RUFY3: variants seen among roughly 807,000 people sequenced by gnomAD.
RUFY3 encodes the protein RUN and FYVE domain containing 3.
RUFY3 carries 34 observed loss-of-function variants against 84.0 expected under a neutral mutation model. That is an observed-to-expected ratio of 0.40 (90% CI 0.31 to 0.54). The LOEUF is 0.54. Among genes scored for constraint, RUFY3 ranks in the 20% least tolerant of loss-of-function variants. The pLI is 0.39. For missense variants in RUFY3, 507 were observed against 736.8 expected, an observed-to-expected ratio of 0.69 and a Z score of 3.61; for synonymous variants, 242 against 252.9, an observed-to-expected ratio of 0.96 and a Z score of 0.41.
chr4:70,791,436 T>C, intron 12 of RUFY3: 3 of 1,402,376 alleles, frequency 2.1e-6, no homozygotes, highest in Non-Finnish European at 2.8e-6. Context: ...GTTGGACTTT[T>C]AAAAAACCAG....
chr4:70,757,498 G>A (rs765018442), intron 1 of RUFY3, among the ~76,000 whole-genome samples: 16 of 152,046 alleles, frequency 1.1e-4, no homozygotes, highest in Non-Finnish European at 2.4e-4. Context: ...CAGATACTTG[G>A]GAGGCTGAGA....
intron 1 of RUFY3, among the ~76,000 whole-genome samples, chr4:70,730,026 C>T (rs938141917): frequency 2.0e-5 from 3 of 151,530 alleles, no homozygotes; most frequent in Admixed American, 2.0e-4. Context: ...CCCCTGCCTC[C>T]CCAGTTCAAG....
intron 1 of RUFY3, among the ~76,000 whole-genome samples, chr4:70,740,489 G>T (rs1173202871): frequency 6.6e-6 from 1 of 152,034 alleles, no homozygotes; most frequent in Non-Finnish European, 1.5e-5. Context: ...GCTTTACTAA[G>T]GTAGGCTTTT....
At chr4:70,737,073 A>G (rs1720435064) in intron 1 of RUFY3, among the ~76,000 whole-genome samples, 1 of 152,190 alleles carries the variant, frequency 6.6e-6, no homozygotes, top group Non-Finnish European at 1.5e-5. Flanking sequence ...GGTATCATAA[A>G]CTTTCATATT....
At chr4:70,764,626 G>A (rs773399901) in intron 4 of RUFY3, 50 bp downstream of exon 4, 29 of 1,097,468 alleles carry the variant, frequency 2.6e-5, no homozygotes, top group Middle Eastern at 2.3e-4. Context: ...GTTCTACATC[G>A]TATAAAGTCA....
Position 70,787,682 on chromosome 4 carries a change from C to T in RUFY3, c.1072-1124C>T, listed in dbSNP as rs573379368. Among the ~76,000 whole-genome samples the T allele has an allele frequency of 3.1e-3, 479 of 152,100 alleles. 1 individual carries two copies. Among genetic ancestry groups the T allele is most frequent in the Non-Finnish European group, 3.4e-3 (229 of 68,004 alleles). On this transcript the variant is annotated intron_variant, in intron 10 of 17. Coordinates refer to ENST00000381006, the MANE Select transcript of RUFY3 (RefSeq NM_001037442.4). Reference sequence around the variant, plus strand: ...ATATAATACTTTTCATAAGAAAGGTCGCAGAAATAATATATGTCAGCATTT... The same window carrying T: ...ATATAATACTTTTCATAAGAAAGGTTGCAGAAATAATATATGTCAGCATTT...
chr4:70,767,281 T>C (rs1726132826), intron 4 of RUFY3, among the ~76,000 whole-genome samples: 1 of 145,542 alleles, frequency 6.9e-6, no homozygotes, highest in African/African-American at 2.5e-5. Flanking sequence ...TTTTTTTTTT[T>C]TTTTTTTTAG....
At chr4:70,728,768 C>T (rs1213894210) in intron 1 of RUFY3, among the ~76,000 whole-genome samples, 1 of 151,968 alleles carries the variant, frequency 6.6e-6, no homozygotes, top group Non-Finnish European at 1.5e-5. Context: ...AGTTAAAAAT[C>T]GCAATTTAAA....
chr4:70,710,268 A>G (rs944169168), intron 1 of RUFY3, among the ~76,000 whole-genome samples: 1 of 152,236 alleles, frequency 6.6e-6, no homozygotes, highest in African/African-American at 2.4e-5. Context: ...GCATGTATGT[A>G]TGTGTAGATT....
intron 5 of RUFY3, among the ~76,000 whole-genome samples, chr4:70,771,603 C>T (rs923047787): frequency 6.6e-6 from 1 of 152,164 alleles, no homozygotes; most frequent in African/African-American, 2.4e-5. Context: ...GTGAACTCAG[C>T]TCAGTGCAAC....
chr4:70,706,341 C>T (rs962497570), intron 1 of RUFY3, among the ~76,000 whole-genome samples: 6 of 152,090 alleles, frequency 3.9e-5, no homozygotes, highest in East Asian at 3.9e-4. Flanking sequence ...GCTGCTCTGC[C>T]CTGCCAAGAA....
At chr4:70,774,553 T>A (rs1727506340) in intron 6 of RUFY3, among the ~76,000 whole-genome samples, 1 of 133,412 alleles carries the variant, frequency 7.5e-6, no homozygotes, top group Non-Finnish European at 1.5e-5. Context: ...AGGTGGAGGT[T>A]GCAGTGAGCC....
At chr4:70,739,101 T>C (rs2148640476) in intron 1 of RUFY3, among the ~76,000 whole-genome samples, 1 of 151,612 alleles carries the variant, frequency 6.6e-6, no homozygotes, top group Middle Eastern at 3.4e-3. Flanking sequence ...TTTTTGCTGA[T>C]ATTTTTGTGG....
chr4:70,750,943 ATAT>A (rs1723039064), intron 1 of RUFY3, among the ~76,000 whole-genome samples: 1 of 152,206 alleles, frequency 6.6e-6, no homozygotes, highest in Non-Finnish European at 1.5e-5. Flanking sequence ...TGGATTAATA[ATAT>A]TGTATGGGCA....
At chr4:70,767,045 A>G (rs1726058909) in intron 4 of RUFY3, among the ~76,000 whole-genome samples, 1 of 151,318 alleles carries the variant, frequency 6.6e-6, no homozygotes, top group Non-Finnish European at 1.5e-5. Flanking sequence ...CCTTTCACTT[A>G]GTAATATGCA....
intron 13 of RUFY3, among the ~76,000 whole-genome samples, chr4:70,794,191 T>C (rs947619112): frequency 3.3e-5 from 5 of 152,248 alleles, no homozygotes; most frequent in African/African-American, 7.2e-5. Flanking sequence ...GAATTCTTAC[T>C]GTGTGCCAGA....
Position 70,789,573 on chromosome 4 carries a change from A to G in RUFY3, c.1318A>G (p.Ile440Val), listed in dbSNP as rs370105772. The change falls in exon 12 of 18, where the codon ATT (isoleucine) becomes GTT (valine). Residue 440 changes from isoleucine (I) to valine (V), a missense_variant. Around this residue, in one of 4 missense-constraint regions of RUFY3, gnomAD observed 334 missense variants for 364.1 expected, o/e 0.92. Coordinates refer to ENST00000381006, the MANE Select transcript of RUFY3 (RefSeq NM_001037442.4). The stretch of plus-strand genomic sequence containing the variant: ...GAAGACTAATCAGATGGCTGCTACC[A>G]TTAAACAACTTGAACAAAGGTAAAA... ...EEKTNQMAAT[I>V]KQLEQRLRQA... is the part of the protein sequence containing the mutation. 4.2e-5 allele frequency: 67 copies of G among 1,612,670 alleles called. No individual in the cohort carries two copies. The African/African-American group carries it at 7.5e-4, about 18-fold the overall frequency.
chr4:70,711,363 G>A (rs1396024408), intron 1 of RUFY3, among the ~76,000 whole-genome samples: 1 of 152,176 alleles, frequency 6.6e-6, no homozygotes, highest in Non-Finnish European at 1.5e-5. Flanking sequence ...TGCCCAGGCT[G>A]GAACATATGA....
intron 9 of RUFY3, 112 bp from the exon 10 acceptor site, chr4:70,784,684 T>G: frequency 1.7e-6 from 1 of 580,996 alleles, no homozygotes; most frequent in South Asian, 4.6e-5. Flanking sequence ...TGTTTGTTCA[T>G]TATTATACCT....
Sources: allele counts gnomAD v4.1 joint callset (sites outside exome capture counted in the v4.1 genomes callset), GRCh38; gene constraint gnomAD v4.1.1; regional missense constraint gnomAD v4.1.1; transcripts MANE v1.5; gene names NCBI Gene and HGNC (gene_info 2026-07-23, HGNC 2026-07-21).